IGF1R: variants seen among roughly 807,000 people sequenced by gnomAD.
IGF1R encodes the protein insulin-like growth factor 1 receptor.
In IGF1R, 44 loss-of-function variants were observed where a neutral mutation model predicts 144.6. That is an observed-to-expected ratio of 0.30 (90% CI 0.24 to 0.39). The LOEUF is 0.39. IGF1R is among the 10% of genes least tolerant of loss of function. The pLI is 1.00. For missense variants in IGF1R, 1,355 were observed against 1,833.7 expected (o/e 0.74, Z 4.77); for synonymous variants, 795 against 722.8 (o/e 1.10, Z -1.60).
At chr15:98,948,074 T>C (rs1295135305) in intron 19 of IGF1R, among the ~76,000 whole-genome samples, 2 of 152,184 alleles carry the variant, frequency 1.3e-5, no homozygotes, top group African/African-American at 4.8e-5. Flanking sequence ...GGGTAGAGGT[T>C]TCCAAAATTG....
chr15:98,813,397 C>A (rs767203782), intron 2 of IGF1R, among the ~76,000 whole-genome samples: 4 of 152,210 alleles, frequency 2.6e-5, no homozygotes, highest in African/African-American at 9.7e-5. Flanking sequence ...CAAGAGACAG[C>A]CCCTACACCC....
At chr15:98,758,012 G>A (rs1334620281) in intron 2 of IGF1R, among the ~76,000 whole-genome samples, 1 of 151,938 alleles carries the variant, frequency 6.6e-6, no homozygotes, top group Non-Finnish European at 1.5e-5. Flanking sequence ...CTTCCACCAG[G>A]GTTTGCATTT....
At chr15:98,697,706 G>T (rs117212126) in intron 1 of IGF1R, among the ~76,000 whole-genome samples, 2,141 of 75,550 alleles carry the variant, frequency 0.028, 20 homozygotes, top group Non-Finnish European at 0.038. Flanking sequence ...TACTTAAATT[G>T]TGGTGAAATA....
chr15:98,904,507 G>A (rs1257887386), intron 5 of IGF1R, among the ~76,000 whole-genome samples: 1 of 152,240 alleles, frequency 6.6e-6, no homozygotes, highest in African/African-American at 2.4e-5. Flanking sequence ...TAAGGTTGAT[G>A]TAAATATTGG....
At chr15:98,881,237 T>C (rs1416967823) in intron 2 of IGF1R, among the ~76,000 whole-genome samples, 1 of 152,196 alleles carries the variant, frequency 6.6e-6, no homozygotes, top group Non-Finnish European at 1.5e-5. Context: ...TATTTCTTCC[T>C]GATGGATACA....
At chr15:98,912,135 C>T (rs996832521) in intron 7 of IGF1R, among the ~76,000 whole-genome samples, 2 of 149,574 alleles carry the variant, frequency 1.3e-5, no homozygotes, top group Non-Finnish European at 1.5e-5. Flanking sequence ...GTGGCTACCC[C>T]GGTCTACTTA....
chr15:98,716,220 T>C (rs1423120685), intron 2 of IGF1R, among the ~76,000 whole-genome samples: 2 of 152,140 alleles, frequency 1.3e-5, no homozygotes, highest in Non-Finnish European at 2.9e-5. Flanking sequence ...CCTCAAACTC[T>C]AAAATTGAGT....
chr15:98,794,375 C>G (rs1567132489), intron 2 of IGF1R, among the ~76,000 whole-genome samples: 1 of 152,162 alleles, frequency 6.6e-6, no homozygotes, highest in Non-Finnish European at 1.5e-5. Context: ...ATACACCCAT[C>G]TCTTCTGTAT....
intron 2 of IGF1R, among the ~76,000 whole-genome samples, chr15:98,739,250 A>G (rs771157818): frequency 3.3e-5 from 5 of 152,132 alleles, no homozygotes; most frequent in South Asian, 2.1e-4. Flanking sequence ...TTGTGAAGCA[A>G]CAGCCTCTGT....
intron 2 of IGF1R, among the ~76,000 whole-genome samples, chr15:98,731,304 G>A (rs1567099415): frequency 6.6e-6 from 1 of 152,128 alleles, no homozygotes; most frequent in Non-Finnish European, 1.5e-5. Context: ...GTCAAATCCC[G>A]AATACTTATT....
chr15:98,695,746 A>C (rs1259531840), intron 1 of IGF1R, among the ~76,000 whole-genome samples: 1 of 152,224 alleles, frequency 6.6e-6, no homozygotes, highest in East Asian at 1.9e-4. Flanking sequence ...ATATGGAACC[A>C]CAGTCCCTCA....
intron 1 of IGF1R, among the ~76,000 whole-genome samples, chr15:98,658,304 C>T (rs1410546074): frequency 2.0e-5 from 3 of 152,220 alleles, no homozygotes; most frequent in African/African-American, 7.2e-5. Context: ...CTTAAGAACA[C>T]AGGAAGGTCA....
At chr15:98,834,423 C>T (rs997439471) in intron 2 of IGF1R, among the ~76,000 whole-genome samples, 4 of 152,214 alleles carry the variant, frequency 2.6e-5, no homozygotes, top group Non-Finnish European at 4.4e-5. Flanking sequence ...CTTTCCGTCA[C>T]GTGAGTTATC....
At chr15:98,910,808 T>TAG (rs1255847356) in intron 6 of IGF1R, among the ~76,000 whole-genome samples, 1 of 152,204 alleles carries the variant, frequency 6.6e-6, no homozygotes, top group East Asian at 1.9e-4. Context: ...ATACCAAGTT[T>TAG]AGACCAAGAA....
intron 1 of IGF1R, among the ~76,000 whole-genome samples, chr15:98,666,015 A>C (rs1445034132): frequency 2.6e-5 from 4 of 152,218 alleles, no homozygotes; most frequent in African/African-American, 7.2e-5. Flanking sequence ...GCTAGTAGGT[A>C]AGGATACTAC....
intron 2 of IGF1R, chr15:98,890,777 G>A (rs1428384370): frequency 1.8e-5 from 3 of 163,458 alleles, no homozygotes; most frequent in African/African-American, 7.2e-5. Flanking sequence ...GATATCTAAG[G>A]CAGCAGAAAT....
chr15:98,810,795 G>A (rs959593090), intron 2 of IGF1R, among the ~76,000 whole-genome samples: 2 of 151,502 alleles, frequency 1.3e-5, no homozygotes, highest in Non-Finnish European at 2.9e-5. Flanking sequence ...TGATCCGCCC[G>A]CCTCGGCCTC....
intron 10 of IGF1R, among the ~76,000 whole-genome samples, chr15:98,920,135 TC>T (rs1393813730): frequency 6.6e-6 from 1 of 152,218 alleles, no homozygotes; most frequent in African/African-American, 2.4e-5. Flanking sequence ...TAAAAGGTTT[TC>T]CAATAGGGCT....
chr15:98,865,968 A>G (rs962358689), intron 2 of IGF1R, among the ~76,000 whole-genome samples: 9 of 152,222 alleles, frequency 5.9e-5, no homozygotes, highest in African/African-American at 1.9e-4. Context: ...CTTGCCTCGC[A>G]GGCAGGAGGA....
Sources: gnomAD v4.1 joint callset for allele counts (sites outside exome capture counted in the v4.1 genomes callset) on GRCh38, gnomAD v4.1.1 for gene constraint, MANE v1.5 for transcripts, NCBI Gene and HGNC (gene_info 2026-07-23, HGNC 2026-07-21) for gene names.